CAMTA1: variants seen among roughly 807,000 people sequenced by gnomAD.
CAMTA1 encodes calmodulin-binding transcription activator 1.
In CAMTA1, 27 loss-of-function variants were observed where a neutral mutation model predicts 170.9. That is an observed-to-expected ratio of 0.16 (90% CI 0.12 to 0.22). The LOEUF is 0.22. Ranked by LOEUF, CAMTA1 falls within the 10% of genes least tolerant of loss-of-function variation. The pLI, the probability that CAMTA1 is intolerant of heterozygous loss-of-function variation, is 1.00. For synonymous variants in CAMTA1, 833 were observed against 891.5 expected (o/e 0.93, Z 1.17); for missense variants, 1,619 against 2,217.2 (o/e 0.73, Z 5.42).
At chr1:7,202,246 T>C (rs1656845677) in intron 4 of CAMTA1, among the ~76,000 whole-genome samples, 2 of 152,242 alleles carry the variant, frequency 1.3e-5, no homozygotes, top group South Asian at 4.1e-4. Context: ...TATTGATCTG[T>C]ACGTCTCCTT....
intron 7 of CAMTA1, 149 bp from the exon 8 acceptor site, chr1:7,661,577 C>G: frequency 1.2e-6 from 1 of 864,368 alleles, no homozygotes; most frequent in Non-Finnish European, 1.8e-6. Flanking sequence ...TCCCCTCCTC[C>G]TCCCCTACTC....
chr1:6,826,543 A>G (rs906666331), intron 3 of CAMTA1, among the ~76,000 whole-genome samples: 1 of 152,236 alleles, frequency 6.6e-6, no homozygotes, highest in Non-Finnish European at 1.5e-5. Flanking sequence ...GAACTTGATT[A>G]TGAATTATTT....
intron 5 of CAMTA1, among the ~76,000 whole-genome samples, chr1:7,420,682 C>T (rs185440259): frequency 6.6e-6 from 1 of 152,330 alleles, no homozygotes; most frequent in African/African-American, 2.4e-5. Context: ...TATAACCTCC[C>T]AGTCCAAATA....
Position 7,715,171 on chromosome 1 carries a change from C to T in CAMTA1, c.2915-17277C>T, listed in dbSNP as rs569972319. ...GAGCAGGAAGGGAAATAAAGAGGCCCGGGGGAATGGGCTGGGACAGGGAAG... is the reference window on the plus strand; with the variant it reads ...GAGCAGGAAGGGAAATAAAGAGGCCTGGGGGAATGGGCTGGGACAGGGAAG... On this transcript the variant is annotated intron_variant, in intron 11 of 22. Transcript: ENST00000303635. 4.6e-5 allele frequency among the ~76,000 whole-genome samples: 7 copies of T among 152,008 alleles called. No individual in the cohort carries two copies. The South Asian group carries it at 6.2e-4, about 14-fold the overall frequency.
chr1:7,620,011 A>T (rs2095586760), intron 6 of CAMTA1, among the ~76,000 whole-genome samples: 1 of 152,236 alleles, frequency 6.6e-6, no homozygotes, highest in Admixed American at 6.5e-5. Flanking sequence ...AAGCAAAAGT[A>T]ACAAGAAAAT....
At chr1:6,827,193 A>G (rs567546317) in intron 3 of CAMTA1, among the ~76,000 whole-genome samples, 1 of 152,236 alleles carries the variant, frequency 6.6e-6, no homozygotes, top group Admixed American at 6.5e-5. Context: ...GAAAACGTGG[A>G]TTGTTTTGCA....
Position 7,324,891 on chromosome 1 carries a change from T to C in CAMTA1, c.438+75265T>C, listed in dbSNP as rs529738892. ...TACCTTAGAAATTCCAACATAGATA[T>C]GGTACCTTAACAGGGCCTAAGGTTA... On this transcript the variant is annotated intron_variant, in intron 5 of 22. Transcript: ENST00000303635. 2.6e-5 allele frequency among the ~76,000 whole-genome samples: 4 copies of C among 152,202 alleles called. No individual in the cohort carries two copies. The South Asian group carries it at 6.2e-4, about 24-fold the overall frequency.
At chr1:7,033,686 C>T (rs572331846) in intron 3 of CAMTA1, among the ~76,000 whole-genome samples, 37 of 150,680 alleles carry the variant, frequency 2.5e-4, no homozygotes, top group South Asian at 1.1e-3. Context: ...CTCCGCCTCC[C>T]GGGTTCAAGC....
intron 3 of CAMTA1, among the ~76,000 whole-genome samples, chr1:6,955,946 GAGGAGGCA>G (rs760651616): frequency 1.4e-4 from 21 of 152,200 alleles, no homozygotes; most frequent in Non-Finnish European, 2.4e-4. Flanking sequence ...AGCATGCACT[GAGGAGGCA>G]AGGGTCAGGG....
chr1:6,897,953 G>C (rs1361982562), intron 3 of CAMTA1, among the ~76,000 whole-genome samples: 1 of 152,050 alleles, frequency 6.6e-6, no homozygotes, highest in Non-Finnish European at 1.5e-5. Flanking sequence ...GAAATTTCTG[G>C]CTAGCCACCA....
intron 4 of CAMTA1, among the ~76,000 whole-genome samples, chr1:7,095,046 C>T (rs1164837642): frequency 6.6e-6 from 1 of 151,672 alleles, no homozygotes; most frequent in Non-Finnish European, 1.5e-5. Context: ...TTAGTCTCAC[C>T]CCCACCCCCA....
chr1:7,366,027 T>A (rs2085941069), intron 5 of CAMTA1, among the ~76,000 whole-genome samples: 2 of 152,250 alleles, frequency 1.3e-5, no homozygotes, highest in South Asian at 4.1e-4. Flanking sequence ...GAATATTACC[T>A]GGTGACTTGC....
chr1:7,518,176 C>T (rs1381357143), intron 6 of CAMTA1, among the ~76,000 whole-genome samples: 1 of 151,954 alleles, frequency 6.6e-6, no homozygotes, highest in Admixed American at 6.5e-5. Context: ...ATCAGCAACT[C>T]TCAGGCTGCT....
intron 22 of CAMTA1, among the ~76,000 whole-genome samples, chr1:7,761,423 A>T (rs1369096359): frequency 6.8e-6 from 1 of 147,582 alleles, no homozygotes; most frequent in Non-Finnish European, 1.5e-5. Flanking sequence ...AAGTGCAGTT[A>T]TAATTTTTTT....
At chr1:7,465,286 T>C (rs11804218) in intron 5 of CAMTA1, among the ~76,000 whole-genome samples, 6,840 of 152,158 alleles carry the variant, frequency 0.045, 246 homozygotes, top group South Asian at 0.13. Context: ...TAACCAACCA[T>C]TGGGGTAGCC....
At chr1:7,353,496 G>A (rs1397370853) in intron 5 of CAMTA1, among the ~76,000 whole-genome samples, 2 of 150,474 alleles carry the variant, frequency 1.3e-5, no homozygotes, top group East Asian at 3.9e-4. Context: ...CATGATCGTG[G>A]CTCACTGCAA....
chr1:7,492,503 AAG>A (rs1021397458), intron 6 of CAMTA1, among the ~76,000 whole-genome samples: 2 of 152,160 alleles, frequency 1.3e-5, no homozygotes, highest in African/African-American at 2.4e-5. Context: ...ATGGCCATGA[AAG>A]AGAGAGAGCT....
Position 7,681,198 on chromosome 1 carries a change from AC to A in CAMTA1, c.2914+3470del, listed in dbSNP as rs1215031031. Among the ~76,000 whole-genome samples the A allele has an allele frequency of 6.6e-6, 1 of 151,864 alleles. No individual in the cohort carries two copies. The highest frequency in any genetic ancestry group is 1.5e-5 in the Non-Finnish European group (1 of 67,962). ...CAGGGTCAAAGGCCCTGTCTGCTGG[AC>A]CCCCATCACTTAGCCCAGGGTTGGC... is the stretch of plus-strand genomic sequence containing the variant. On this transcript the variant is annotated intron_variant, in intron 11 of 22. Coordinates refer to ENST00000303635, the MANE Select transcript of CAMTA1 (RefSeq NM_015215.4). This position sits in a 1 kb window ranked among gnomAD's most constrained non-coding sequence, Gnocchi z 4.6.
chr1:6,853,827 G>T (rs76631326), intron 3 of CAMTA1, among the ~76,000 whole-genome samples: 1 of 151,996 alleles, frequency 6.6e-6, no homozygotes, highest in Admixed American at 6.6e-5. Context: ...CATACATAAT[G>T]GTAAAATACT....
Sources: allele counts gnomAD v4.1 joint callset (sites outside exome capture counted in the v4.1 genomes callset), GRCh38; gene constraint gnomAD v4.1.1; non-coding constraint Gnocchi (gnomAD v3.1); transcripts MANE v1.5; gene names NCBI Gene and HGNC (gene_info 2026-07-23, HGNC 2026-07-21).